ZBTB34: variants seen among roughly 807,000 people sequenced by gnomAD.
ZBTB34 encodes the protein zinc finger and BTB domain containing 34, also known as zinc finger and BTB domain-containing protein 34.
ZBTB34 carries 1 observed loss-of-function variant against 33.4 expected under a neutral mutation model. The ratio of observed to expected loss-of-function variants is 0.03; its 90% CI spans 0.01 to 0.14. The LOEUF is 0.14. ZBTB34 is among the 10% of genes least tolerant of loss of function. The probability of loss-of-function intolerance (pLI) is 1.00; values close to 1 mark genes in which losing one functional copy is unlikely to be tolerated. For synonymous variants in ZBTB34, 283 were observed against 253.5 expected (o/e 1.12, Z -1.11); for missense variants, 406 against 657.2 (o/e 0.62, Z 4.18).
chr9:126,869,666 G>A (rs572524622), intron 1 of ZBTB34, among the ~76,000 whole-genome samples: 1 of 152,328 alleles, frequency 6.6e-6, no homozygotes, highest in South Asian at 2.1e-4. Flanking sequence ...AGCTACCTGG[G>A]AGACCAGTGG....
intron 1 of ZBTB34, among the ~76,000 whole-genome samples, chr9:126,873,626 A>G (rs1032712678): frequency 1.3e-5 from 2 of 151,570 alleles, no homozygotes; most frequent in Non-Finnish European, 2.9e-5. Context: ...TTTTTTTGAG[A>G]CGGAGTCTTG....
chr9:126,862,677 G>T (rs1468460634), intron 1 of ZBTB34, among the ~76,000 whole-genome samples: 1 of 152,146 alleles, frequency 6.6e-6, no homozygotes, highest in Non-Finnish European at 1.5e-5. Flanking sequence ...TCCAGAGGGT[G>T]TTCCCTGACT....
intron 1 of ZBTB34, among the ~76,000 whole-genome samples, chr9:126,873,678 C>T (rs941431984): frequency 2.0e-5 from 3 of 152,092 alleles, no homozygotes; most frequent in Admixed American, 6.6e-5. Flanking sequence ...GATCTCGGCT[C>T]ACTGCAACCT....
At chr9:126,870,769 A>G (rs1004086468) in intron 1 of ZBTB34, among the ~76,000 whole-genome samples, 11 of 152,166 alleles carry the variant, frequency 7.2e-5, no homozygotes, top group African/African-American at 2.7e-4. Context: ...TCTACTAAAA[A>G]TACAAAAATT....
intron 1 of ZBTB34, among the ~76,000 whole-genome samples, chr9:126,877,369 A>G (rs1423125589): frequency 1.3e-5 from 2 of 152,200 alleles, no homozygotes; most frequent in Non-Finnish European, 2.9e-5. Context: ...ACATGAGTAA[A>G]CTTCACTCCT....
chr9:126,869,196 C>T (rs2033247151), intron 1 of ZBTB34, among the ~76,000 whole-genome samples: 1 of 124,114 alleles, frequency 8.1e-6, no homozygotes, highest in Non-Finnish European at 1.7e-5. Flanking sequence ...CCCACCCCCA[C>T]CCCCCACCCC....
At chr9:126,881,860 C>T (rs2033445720) in exon 2 of ZBTB34, 1 of 166,886 alleles carries the variant, frequency 6.0e-6, no homozygotes. Flanking sequence ...GTAACTAAAT[C>T]GAATCACTCT....
At chr9:126,868,027 T>C (rs142478663) in intron 1 of ZBTB34, among the ~76,000 whole-genome samples, 1 of 152,314 alleles carries the variant, frequency 6.6e-6, no homozygotes, top group African/African-American at 2.4e-5. Flanking sequence ...GGGAGCTGAA[T>C]GGAAGAGCAG....
In ZBTB34 at chr9:126,879,425, G is replaced by C; in HGVS notation, c.26G>C (p.Ser9Thr). ...ATGTCAGTAGAAATGGACAGCAGCA[G>C]TTTTATTCAGTTTGATGTGCCCGAG... Residue 9 changes from serine (S) to threonine (T), a missense_variant, in exon 2 of 2, where the codon AGT becomes ACT. Transcript: ENST00000319119. The surrounding 1 kb of genome is among the most constrained non-coding windows in gnomAD (Gnocchi z 6.4). The C allele has an allele frequency of 6.2e-7, 1 of 1,613,212 alleles. No homozygotes were observed. The highest frequency in any genetic ancestry group is 1.1e-5 in the South Asian group (1 of 90,946).
chr9:126,883,437 C>T (rs1438684195), exon 2 of ZBTB34: 2 of 167,068 alleles, frequency 1.2e-5, no homozygotes, highest in African/African-American at 4.8e-5. Context: ...CCGTCTTAAC[C>T]TTATTTACAT....
exon 2 of ZBTB34, chr9:126,882,511 G>A (rs528940126): frequency 3.0e-5 from 5 of 167,122 alleles, no homozygotes; most frequent in Non-Finnish European, 5.9e-5. Flanking sequence ...AGATTGCTTC[G>A]GTACTGTAAA....
At position 126,880,487 on chromosome 9, in the gene ZBTB34, G is replaced by C; in HGVS notation, c.1088G>C (p.Arg363Thr). 5 of 1,613,836 alleles carry C rather than the reference G, an allele frequency of 3.1e-6. No homozygotes were observed. Among genetic ancestry groups the C allele is most frequent in the Non-Finnish European group, 4.2e-6 (5 of 1,179,892 alleles). Residue 363 changes from arginine (R) to threonine (T), a missense_variant, in exon 2 of 2, where the codon AGG (arginine) becomes ACG (threonine). Arg to Thr is a moderately conservative substitution (Grantham distance 71). Around this residue, in one of 6 missense-constraint regions of ZBTB34, gnomAD observed 123 missense variants for 140.4 expected, o/e 0.88. Transcript: ENST00000319119. The surrounding 1 kb of genome is among the most constrained non-coding windows in gnomAD (Gnocchi z 6.7). ...GGGTATGAGAGCAGTCCCCGGGAGA[G>C]GAGTGCGAGAGGGCATTGGTACCCG...
intron 1 of ZBTB34, among the ~76,000 whole-genome samples, chr9:126,865,486 A>G (rs2033188885): frequency 6.6e-6 from 1 of 152,246 alleles, no homozygotes; most frequent in African/African-American, 2.4e-5. Context: ...ATGTGGAGAC[A>G]GTTCCAAGGC....
chr9:126,865,783 G>A (rs1225502648), intron 1 of ZBTB34, among the ~76,000 whole-genome samples: 2 of 152,110 alleles, frequency 1.3e-5, no homozygotes, highest in Non-Finnish European at 2.9e-5. Context: ...CCAGGAGTTC[G>A]AGACCAGACT....
At chr9:126,885,122 T>A (rs2033503180) in exon 2 of ZBTB34, 1 of 167,106 alleles carries the variant, frequency 6.0e-6, no homozygotes, top group Admixed American at 6.5e-5. Context: ...TCCAAATTTG[T>A]AATGGTTGTC....
In ZBTB34 at chr9:126,880,044, T is replaced by C. The variant is rs758603292; in HGVS notation, c.645T>C (p.Tyr215=). The C allele has an allele frequency of 6.2e-7, 1 of 1,613,274 alleles. No individual in the cohort carries two copies. The highest frequency in any genetic ancestry group is 8.5e-7 in the Non-Finnish European group (1 of 1,179,642). ...GGAGCAGTGGGAGCGTTTCTGAATA[T>C]GAGATTCAGATAGAGGGAGACCATG... Residue 215 remains tyrosine, a synonymous_variant, in exon 2 of 2, where the codon TAT becomes TAC. Transcript: ENST00000319119. The surrounding 1 kb of genome is among the most constrained non-coding windows in gnomAD (Gnocchi z 6.7).
intron 1 of ZBTB34, among the ~76,000 whole-genome samples, chr9:126,862,720 T>C (rs1455288266): frequency 2.6e-5 from 4 of 152,220 alleles, no homozygotes; most frequent in African/African-American, 9.6e-5. Flanking sequence ...GCACTCGGAT[T>C]CAGCACTTGT....
chr9:126,874,090 G>T (rs1165245329), intron 1 of ZBTB34, among the ~76,000 whole-genome samples: 1 of 122,848 alleles, frequency 8.1e-6, no homozygotes, highest in Non-Finnish European at 1.6e-5. Flanking sequence ...CTCCTAGGCT[G>T]GAGTGCAGTG....
chr9:126,872,040 G>A (rs1429619126), intron 1 of ZBTB34, among the ~76,000 whole-genome samples: 1 of 151,312 alleles, frequency 6.6e-6, no homozygotes, highest in Non-Finnish European at 1.5e-5. Flanking sequence ...TGCAACTTCC[G>A]CCTCCCGGGT....
Sources: gnomAD v4.1 joint callset for allele counts (sites outside exome capture counted in the v4.1 genomes callset) on GRCh38, gnomAD v4.1.1 for gene constraint, gnomAD v4.1.1 regional missense constraint, Gnocchi (gnomAD v3.1) non-coding constraint, MANE v1.5 for transcripts, NCBI Gene and HGNC (gene_info 2026-07-23, HGNC 2026-07-21) for gene names.